Variants in FANCC observed in about 807,000 individuals in gnomAD.
FANCC encodes the protein Fanconi anemia group C protein.
A neutral mutation model predicts 71.3 loss-of-function variants in FANCC; 55 were observed. That is an observed-to-expected ratio of 0.77 (90% confidence interval 0.62 to 0.97). The LOEUF is 0.97. Ranked by LOEUF, FANCC falls within the 50% of genes least tolerant of loss-of-function variation. The pLI is 0.00. For missense variants in FANCC, 678 were observed against 670.9 expected (o/e 1.01, Z -0.12); for synonymous variants, 275 against 244.9 (o/e 1.12, Z -1.15).
chr9:95,247,536 T>C lies in FANCC; in HGVS notation c.166-20A>G, dbSNP rs758113183. 37 of 1,590,534 alleles carry C rather than the reference T, an allele frequency of 2.3e-5. No individual in the cohort carries two copies. The highest frequency in any genetic ancestry group is 3.2e-5 in the Non-Finnish European group (37 of 1,159,290). On this transcript the variant is annotated intron_variant, in intron 2 of 14. Transcript: ENST00000289081. ...AGAATCCTGTGAAAGAAAAATAAAT[T>C]TTGGTCAGTAAAGGCATTATGCAAC...
intron 1 of FANCC, among the ~76,000 whole-genome samples, chr9:95,295,693 C>A (rs1207947829): frequency 6.6e-6 from 1 of 151,400 alleles, no homozygotes; most frequent in Admixed American, 6.6e-5. Flanking sequence ...TCTTGAGCCC[C>A]GGAGGTTGAG....
chr9:95,293,995 A>T (rs1834223442), intron 1 of FANCC: 29 of 1,592,064 alleles, frequency 1.8e-5, no homozygotes, highest in Non-Finnish European at 2.2e-5. Flanking sequence ...GAATGAGCCT[A>T]AGACTTTAAA....
At chr9:95,304,039 G>A (rs1588443837) in intron 1 of FANCC, among the ~76,000 whole-genome samples, 1 of 152,108 alleles carries the variant, frequency 6.6e-6, no homozygotes, top group East Asian at 1.9e-4. Flanking sequence ...GAAGGTAGAA[G>A]GAAATTAAAC....
intron 6 of FANCC, among the ~76,000 whole-genome samples, chr9:95,150,453 A>G (rs1830113764): frequency 6.6e-6 from 1 of 151,824 alleles, no homozygotes; most frequent in East Asian, 1.9e-4. Context: ...CCCTCATCTG[A>G]TCCATCAGTG....
intron 8 of FANCC, among the ~76,000 whole-genome samples, chr9:95,134,679 T>A (rs193039329): frequency 6.6e-6 from 1 of 152,304 alleles, no homozygotes; most frequent in African/African-American, 2.4e-5. Flanking sequence ...TGTGCTCCAA[T>A]CCCACAGAGC....
At chr9:95,274,246 C>T (rs745876831) in intron 1 of FANCC, among the ~76,000 whole-genome samples, 51 of 152,158 alleles carry the variant, frequency 3.4e-4, no homozygotes, top group Non-Finnish European at 5.3e-4. Context: ...CACTGTTCAA[C>T]TCCCATTTAC....
At chr9:95,204,616 T>C (rs1245860525) in intron 4 of FANCC, among the ~76,000 whole-genome samples, 1 of 152,180 alleles carries the variant, frequency 6.6e-6, no homozygotes, top group Non-Finnish European at 1.5e-5. Context: ...ACCAGTAATA[T>C]GAAAATTAAA....
At chr9:95,175,129 T>G (rs1020225170) in intron 4 of FANCC, among the ~76,000 whole-genome samples, 5 of 152,088 alleles carry the variant, frequency 3.3e-5, no homozygotes, top group African/African-American at 1.2e-4. Context: ...CCCTGTGAGC[T>G]CACCCCTGCC....
At chr9:95,157,120 T>G (rs891595527) in intron 6 of FANCC, among the ~76,000 whole-genome samples, 7 of 143,794 alleles carry the variant, frequency 4.9e-5, no homozygotes, top group African/African-American at 1.7e-4. Context: ...CTATGCTGTT[T>G]TCCTGTGTTT....
intron 1 of FANCC, among the ~76,000 whole-genome samples, chr9:95,299,893 G>T (rs906728729): frequency 5.9e-5 from 9 of 151,958 alleles, no homozygotes; most frequent in African/African-American, 2.2e-4. Flanking sequence ...ACACAAAATG[G>T]TATCTCTGTA....
At chr9:95,243,662 C>T (rs912618664) in intron 3 of FANCC, among the ~76,000 whole-genome samples, 5 of 151,432 alleles carry the variant, frequency 3.3e-5, no homozygotes, top group African/African-American at 1.2e-4. Context: ...GGCGTGGTAG[C>T]GGGCGCCTGT....
intron 1 of FANCC, among the ~76,000 whole-genome samples, chr9:95,295,759 C>A (rs1834329695): frequency 1.3e-5 from 2 of 150,032 alleles, no homozygotes; most frequent in Non-Finnish European, 3.0e-5. Context: ...ACAGTGAGAC[C>A]CTGTATCAAT....
chr9:95,250,760 A>G (rs1465230298), intron 1 of FANCC, among the ~76,000 whole-genome samples: 1 of 152,128 alleles, frequency 6.6e-6, no homozygotes, highest in African/African-American at 2.4e-5. Context: ...CCTCATTGCC[A>G]CCCCTCAGCC....
chr9:95,261,960 C>T (rs565376976), intron 1 of FANCC, among the ~76,000 whole-genome samples: 2 of 152,188 alleles, frequency 1.3e-5, no homozygotes, highest in Non-Finnish European at 2.9e-5. Context: ...ATCCAAGATA[C>T]TGAAAAGGAA....
intron 4 of FANCC, among the ~76,000 whole-genome samples, chr9:95,188,231 A>G (rs531290848): frequency 1.3e-5 from 2 of 152,278 alleles, no homozygotes; most frequent in East Asian, 1.9e-4. Flanking sequence ...TATCTCCCAC[A>G]AGAGATGCAA....
chr9:95,218,580 T>C (rs752115465), intron 4 of FANCC, among the ~76,000 whole-genome samples: 3 of 152,124 alleles, frequency 2.0e-5, no homozygotes, highest in Non-Finnish European at 2.9e-5. Context: ...TTTTAGCATA[T>C]AGCAGCAATA....
At chr9:95,133,655 A>C (rs1285690208) in intron 8 of FANCC, among the ~76,000 whole-genome samples, 1 of 152,218 alleles carries the variant, frequency 6.6e-6, no homozygotes, top group Non-Finnish European at 1.5e-5. Flanking sequence ...GCTGGAAAAA[A>C]GGCAATGGGA....
At chr9:95,128,612 TCA>T (rs1226549200) in intron 8 of FANCC, among the ~76,000 whole-genome samples, 2 of 152,150 alleles carry the variant, frequency 1.3e-5, no homozygotes, top group African/African-American at 4.8e-5. Flanking sequence ...CAGCTCTTAC[TCA>T]GTTTGTTAGA....
chr9:95,286,594 A>G (rs1833702049), intron 1 of FANCC, among the ~76,000 whole-genome samples: 1 of 152,248 alleles, frequency 6.6e-6, no homozygotes, highest in Non-Finnish European at 1.5e-5. Flanking sequence ...TGAGTGGGGT[A>G]GCAGATATGC....
Sources: allele counts gnomAD v4.1 joint callset (sites outside exome capture counted in the v4.1 genomes callset), GRCh38; gene constraint gnomAD v4.1.1; transcripts MANE v1.5; gene names NCBI Gene and HGNC (gene_info 2026-07-23, HGNC 2026-07-21).